The following LIN52 variants were observed in gnomAD, a reference collection of about 807,000 sequenced individuals.
LIN52 encodes the protein protein lin-52 homolog.
In LIN52, 4 loss-of-function variants were observed where a neutral mutation model predicts 18.5. The observed-to-expected ratio is 0.22, with a 90% CI of 0.11 to 0.49. The LOEUF (loss-of-function observed/expected upper bound fraction) is 0.49. LIN52 is among the 20% of genes least tolerant of loss of function. The pLI, the probability that LIN52 is intolerant of heterozygous loss-of-function variation, is 0.97. For synonymous variants in LIN52, 34 were observed against 45.5 expected (o/e 0.75, Z 1.02); for missense variants, 102 against 139.5 (o/e 0.73, Z 1.35).
At chr14:74,125,459 G>C (rs972012865) in intron 5 of LIN52, among the ~76,000 whole-genome samples, 1 of 151,910 alleles carries the variant, frequency 6.6e-6, no homozygotes, top group East Asian at 1.9e-4. Flanking sequence ...TTTTTGATGG[G>C]GTTGTTTGTT....
At chr14:74,134,261 G>A (rs913655456) in intron 5 of LIN52, among the ~76,000 whole-genome samples, 31 of 152,192 alleles carry the variant, frequency 2.0e-4, no homozygotes, top group African/African-American at 7.2e-4. Context: ...GTCAGTAATT[G>A]TACTGCTGTC....
At chr14:74,158,125 A>ATATT (rs1490797271) in intron 5 of LIN52, among the ~76,000 whole-genome samples, 20 of 147,768 alleles carry the variant, frequency 1.4e-4, no homozygotes, top group Admixed American at 4.0e-4. Flanking sequence ...ATATATATAT[A>ATATT]TTTTTTTGAG....
chr14:74,085,674 T>A (rs2060723879), intron 1 of LIN52: 1 of 151,648 alleles, frequency 6.6e-6, no homozygotes, highest in Non-Finnish European at 1.5e-5. Flanking sequence ...TCTGTTTATA[T>A]ATTGTGTAAA....
intron 5 of LIN52, among the ~76,000 whole-genome samples, chr14:74,132,825 G>C (rs553426090): frequency 1.3e-5 from 2 of 152,058 alleles, no homozygotes; most frequent in African/African-American, 4.8e-5. Flanking sequence ...AGTTTTTTAT[G>C]GTAGTGATAG....
chr14:74,093,657 A>T (rs1283558353), intron 2 of LIN52, among the ~76,000 whole-genome samples: 1 of 152,196 alleles, frequency 6.6e-6, no homozygotes, highest in Non-Finnish European at 1.5e-5. Flanking sequence ...TGTTAATCGT[A>T]CAAATCCTTG....
At chr14:74,198,704 A>G (rs2078929391) in intron 5 of LIN52, among the ~76,000 whole-genome samples, 1 of 152,234 alleles carries the variant, frequency 6.6e-6, no homozygotes, top group Admixed American at 6.5e-5. Flanking sequence ...TTTGGCATGT[A>G]TCTCAATTGC....
chr14:74,122,166 A>G (rs1429647286), intron 5 of LIN52, among the ~76,000 whole-genome samples: 1 of 152,230 alleles, frequency 6.6e-6, no homozygotes, highest in East Asian at 1.9e-4. Context: ...AACTGTAGTA[A>G]AATTTAAAAC....
At chr14:74,106,063 A>G (rs996914694) in intron 5 of LIN52, among the ~76,000 whole-genome samples, 2 of 152,198 alleles carry the variant, frequency 1.3e-5, no homozygotes, top group Admixed American at 6.5e-5. Context: ...TGATTTGGGC[A>G]GTTAATTTAT....
chr14:74,181,019 G>T (rs1033201434), intron 5 of LIN52, among the ~76,000 whole-genome samples: 18 of 150,850 alleles, frequency 1.2e-4, no homozygotes, highest in Non-Finnish European at 1.5e-5. Flanking sequence ...AGAGGTGGGA[G>T]GATCACTTGA....
intron 5 of LIN52, among the ~76,000 whole-genome samples, chr14:74,188,258 A>G (rs959229875): frequency 2.6e-5 from 4 of 152,134 alleles, no homozygotes; most frequent in South Asian, 2.1e-4. Context: ...AAATTCTCCA[A>G]TAACCATGGG....
rs80155860 is a variant in LIN52 at position 74,189,497 on chromosome 14, A to G, written c.284-9425A>G. Among the ~76,000 whole-genome samples the G allele has an allele frequency of 2.9e-4, 44 of 152,320 alleles. No homozygotes were observed. The East Asian group carries it at 8.5e-3, about 29-fold the overall frequency. ...TGCAGCTAAGAAGTTGTTAGCTCTC[A>G]TTTCTCGAACACAGATCTTTGGGGG... On this transcript the variant is annotated intron_variant, in intron 5 of 5. Transcript: ENST00000555028.
At chr14:74,112,694 C>T (rs1177931021) in intron 5 of LIN52, among the ~76,000 whole-genome samples, 7 of 152,106 alleles carry the variant, frequency 4.6e-5, no homozygotes, top group Admixed American at 4.6e-4. Context: ...AATATTTAGC[C>T]ATTTTGAATA....
chr14:74,176,162 G>GT (rs2061293531), intron 5 of LIN52, among the ~76,000 whole-genome samples: 1 of 152,168 alleles, frequency 6.6e-6, no homozygotes, highest in African/African-American at 2.4e-5. Context: ...GCCTGAGGCT[G>GT]TTTTATATTA....
At chr14:74,105,445 C>G (rs990579287) in intron 5 of LIN52, among the ~76,000 whole-genome samples, 1 of 152,094 alleles carries the variant, frequency 6.6e-6, no homozygotes, top group Non-Finnish European at 1.5e-5. Flanking sequence ...TTTCCTTGAC[C>G]ATCGTGAATT....
chr14:74,086,596 A>C (rs575118011), intron 1 of LIN52, among the ~76,000 whole-genome samples: 1 of 152,178 alleles, frequency 6.6e-6, no homozygotes, highest in East Asian at 1.9e-4. Context: ...TGGAGGCGGC[A>C]GTGAACCATG....
intron 5 of LIN52, among the ~76,000 whole-genome samples, chr14:74,159,920 G>A (rs1052213160): frequency 2.0e-5 from 3 of 152,108 alleles, no homozygotes; most frequent in African/African-American, 2.4e-5. Context: ...TACAGCAAGC[G>A]TTCTCAACTT....
intron 4 of LIN52, among the ~76,000 whole-genome samples, chr14:74,100,455 C>CAT (rs1301289178): frequency 6.6e-6 from 1 of 152,226 alleles, no homozygotes; most frequent in East Asian, 1.9e-4. Flanking sequence ...CATACACCAC[C>CAT]ATACCCAGCT....
intron 5 of LIN52, among the ~76,000 whole-genome samples, chr14:74,196,041 C>T (rs554605100): frequency 6.6e-6 from 1 of 152,152 alleles, no homozygotes; most frequent in Admixed American, 6.5e-5. Context: ...GTCATACATT[C>T]GTATATCTCC....
At chr14:74,087,443 T>G (rs1376115649) in intron 1 of LIN52, among the ~76,000 whole-genome samples, 3 of 151,772 alleles carry the variant, frequency 2.0e-5, no homozygotes, top group South Asian at 2.1e-4. Context: ...AAAATTAAAT[T>G]TTTTTCCTTT....
Sources: gnomAD v4.1 joint callset for allele counts (sites outside exome capture counted in the v4.1 genomes callset) on GRCh38, gnomAD v4.1.1 for gene constraint, MANE v1.5 for transcripts, NCBI Gene and HGNC (gene_info 2026-07-23, HGNC 2026-07-21) for gene names.